Variants in DIS3L2 observed in about 807,000 individuals in gnomAD.
DIS3L2 encodes DIS3 like 3'-5' exoribonuclease 2.
In DIS3L2, 34 loss-of-function variants were observed where a neutral mutation model predicts 97.5. The ratio of observed to expected loss-of-function variants is 0.35; its 90% CI spans 0.27 to 0.46. The LOEUF is 0.46. Among genes scored for constraint, DIS3L2 ranks in the 20% least tolerant of loss-of-function variants. DIS3L2 has a pLI of 1.00. For missense variants in DIS3L2, 1,038 were observed against 1,146.0 expected, an observed-to-expected ratio of 0.91 and a Z score of 1.36; for synonymous variants, 435 against 445.2, an observed-to-expected ratio of 0.98 and a Z score of 0.29.
intron 10 of DIS3L2, among the ~76,000 whole-genome samples, chr2:232,236,517 A>C (rs992387452): frequency 1.3e-5 from 2 of 152,098 alleles, no homozygotes; most frequent in African/African-American, 4.8e-5. Context: ...TTCTTAGACT[A>C]TTATTTTCTG....
rs540050386 is a variant in DIS3L2, at chr2:232,105,891, G to T, written c.601+18170G>T. Among the ~76,000 whole-genome samples, 7 of 152,230 alleles carry T rather than the reference G, an allele frequency of 4.6e-5. No individual in the cohort carries two copies. In the East Asian group the frequency reaches 9.6e-4, roughly 21 times the overall value. On this transcript the variant is annotated intron_variant, in intron 6 of 20. Coordinates refer to ENST00000325385, the MANE Select transcript of DIS3L2 (RefSeq NM_152383.5). ...GCCTATCATCCCCATGGCTTTTCCGGCACCTTTTCCAATATGGTGTTCCTG... is the reference window on the plus strand; with the variant it reads ...GCCTATCATCCCCATGGCTTTTCCGTCACCTTTTCCAATATGGTGTTCCTG...
intron 8 of DIS3L2, among the ~76,000 whole-genome samples, chr2:232,141,278 G>T (rs1301711599): frequency 6.6e-6 from 1 of 152,070 alleles, no homozygotes; most frequent in Non-Finnish European, 1.5e-5. Context: ...TCCCAGATTT[G>T]TCATGGTTTC....
intron 1 of DIS3L2, among the ~76,000 whole-genome samples, chr2:231,979,431 AT>A (rs1364871645): frequency 6.6e-6 from 1 of 151,454 alleles, no homozygotes; most frequent in Non-Finnish European, 1.5e-5. Context: ...TAATTTTTGT[AT>A]TTTTTGTAGA....
chr2:232,249,538 T>A (rs1693363173), intron 12 of DIS3L2, among the ~76,000 whole-genome samples, 192 bp downstream of exon 12: 1 of 152,224 alleles, frequency 6.6e-6, no homozygotes, highest in African/African-American at 2.4e-5. Context: ...AAGCCAAGAC[T>A]GACCTTAAGC....
chr2:232,160,202 T>G (rs986115678), intron 8 of DIS3L2, among the ~76,000 whole-genome samples: 1 of 152,210 alleles, frequency 6.6e-6, no homozygotes, highest in African/African-American at 2.4e-5. Flanking sequence ...AATTCTTTCT[T>G]AAATACTTGG....
intron 3 of DIS3L2, 199 bp downstream of exon 3, chr2:232,015,870 C>T (rs2106222182): frequency 2.1e-6 from 1 of 474,790 alleles, no homozygotes; most frequent in Non-Finnish European, 3.6e-6. Flanking sequence ...TAATAAGCAC[C>T]ACAAGACAGG....
rs970649556 is a variant in DIS3L2 at position 232,293,662 on chromosome 2, G to T, written c.1660-6378G>T. Reference sequence around the variant, plus strand: ...TCTGTCTGTCCTGAGGGCCTCCCTGGCTGGCACACCCTCCCGAGCACAGGC... The same window carrying T: ...TCTGTCTGTCCTGAGGGCCTCCCTGTCTGGCACACCCTCCCGAGCACAGGC... On this transcript the variant is annotated intron_variant, in intron 13 of 20. Coordinates refer to ENST00000325385, the MANE Select transcript of DIS3L2 (RefSeq NM_152383.5). This position sits in a 1 kb window ranked among gnomAD's most constrained non-coding sequence, Gnocchi z 4.6. Among the ~76,000 whole-genome samples the T allele has an allele frequency of 2.6e-5, 4 of 152,144 alleles. No individual in the cohort carries two copies. Among genetic ancestry groups the T allele is most frequent in the Admixed American group, 1.3e-4 (2 of 15,280 alleles).
At chr2:232,164,910 AG>A (rs1448634278) in intron 9 of DIS3L2, among the ~76,000 whole-genome samples, 3 of 152,112 alleles carry the variant, frequency 2.0e-5, no homozygotes, top group African/African-American at 7.2e-5. Context: ...TTGTTTTCTG[AG>A]GTCATTTCCT....
chr2:232,311,765 G>A (rs1268261575), intron 14 of DIS3L2, among the ~76,000 whole-genome samples: 1 of 152,078 alleles, frequency 6.6e-6, no homozygotes, highest in African/African-American at 2.4e-5. Context: ...TTATATTTGT[G>A]AGAATTCATC....
At chr2:232,002,294 G>A (rs1004229328) in intron 1 of DIS3L2, among the ~76,000 whole-genome samples, 1 of 152,178 alleles carries the variant, frequency 6.6e-6, no homozygotes, top group Non-Finnish European at 1.5e-5. Context: ...TTGAGATCAG[G>A]TAGTGTGATG....
chr2:232,111,321 A>G (rs1559640346), intron 6 of DIS3L2: 1 of 466,246 alleles, frequency 2.1e-6, no homozygotes, highest in Non-Finnish European at 4.4e-6. Flanking sequence ...AATAGATCAT[A>G]TTTTTTTAAA....
intron 5 of DIS3L2, among the ~76,000 whole-genome samples, chr2:232,052,607 G>C (rs554580298): frequency 6.6e-6 from 1 of 152,240 alleles, no homozygotes; most frequent in South Asian, 2.1e-4. Context: ...GAAGGTCTTT[G>C]AATGCACCAT....
chr2:232,095,624 G>C (rs1047709342), intron 6 of DIS3L2, among the ~76,000 whole-genome samples: 1 of 152,138 alleles, frequency 6.6e-6, no homozygotes, highest in African/African-American at 2.4e-5. Context: ...TAATATTTCA[G>C]TGTTTTTCTG....
chr2:232,281,749 A>G lies in DIS3L2; in HGVS notation c.1660-18291A>G, dbSNP rs1259973155. On this transcript the variant is annotated intron_variant, in intron 13 of 20. Transcript: ENST00000325385. This position sits in a 1 kb window ranked among gnomAD's most constrained non-coding sequence, Gnocchi z 4.1. The stretch of plus-strand genomic sequence containing the variant: ...ACCACCCAGGGGAGGAAGAGCAGGC[A>G]TTGGGTGGAGACCCTCCAGGCTTGA... Among the ~76,000 whole-genome samples the G allele has an allele frequency of 1.3e-5, 2 of 152,170 alleles. No individual in the cohort carries two copies. Among genetic ancestry groups the G allele is most frequent in the African/African-American group, 2.4e-5 (1 of 41,444 alleles).
chr2:231,996,685 T>C (rs546769923), intron 1 of DIS3L2, among the ~76,000 whole-genome samples: 1 of 150,710 alleles, frequency 6.6e-6, no homozygotes, highest in African/African-American at 2.5e-5. Flanking sequence ...TTTATGTACA[T>C]ATCTTAACTA....
intron 8 of DIS3L2, among the ~76,000 whole-genome samples, chr2:232,139,021 AAGGAACTT>A (rs1207618400): frequency 6.6e-6 from 1 of 152,242 alleles, no homozygotes; most frequent in African/African-American, 2.4e-5. Context: ...TTCGTTACTT[AAGGAACTT>A]ATAGTCTAAT....
chr2:232,088,961 A>T (rs954700357), intron 6 of DIS3L2, among the ~76,000 whole-genome samples: 2 of 152,312 alleles, frequency 1.3e-5, no homozygotes, highest in Admixed American at 1.3e-4. Context: ...TATCAAGAAG[A>T]AGTTTCTGGC....
intron 5 of DIS3L2, among the ~76,000 whole-genome samples, chr2:232,066,798 A>G (rs1044278231): frequency 2.0e-5 from 3 of 151,880 alleles, no homozygotes; most frequent in East Asian, 1.9e-4. Context: ...TGACATTCCT[A>G]TTATTGATAA....
At chr2:232,011,885 AG>A (rs1466877073) in intron 1 of DIS3L2, among the ~76,000 whole-genome samples, 2 of 151,936 alleles carry the variant, frequency 1.3e-5, no homozygotes, top group Admixed American at 1.3e-4. Flanking sequence ...TCCTGAGCTC[AG>A]GCAGTCTGCC....
Sources: allele counts gnomAD v4.1 joint callset (sites outside exome capture counted in the v4.1 genomes callset), GRCh38; gene constraint gnomAD v4.1.1; non-coding constraint Gnocchi (gnomAD v3.1); transcripts MANE v1.5; gene names NCBI Gene and HGNC (gene_info 2026-07-23, HGNC 2026-07-21).